CMIP: variants seen among roughly 807,000 people sequenced by gnomAD.
The protein encoded by CMIP is c-Maf inducing protein.
CMIP carries 13 observed loss-of-function variants against 97.3 expected under a neutral mutation model. The observed-to-expected ratio is 0.13, with a 90% CI of 0.09 to 0.21. The LOEUF is 0.21. Among genes scored for constraint, CMIP ranks in the 10% least tolerant of loss-of-function variants. The probability of loss-of-function intolerance (pLI) is 1.00; values close to 1 mark genes in which losing one functional copy is unlikely to be tolerated. For missense variants in CMIP, 847 were observed against 1,024.9 expected, an observed-to-expected ratio of 0.83 and a Z score of 2.37; for synonymous variants, 538 against 436.3, an observed-to-expected ratio of 1.23 and a Z score of -2.91.
At chr16:81,659,444 G>C (rs2092521021) in intron 5 of CMIP, among the ~76,000 whole-genome samples, 1 of 152,162 alleles carries the variant, frequency 6.6e-6, no homozygotes, top group African/African-American at 2.4e-5. Context: ...TCCAGGAGGA[G>C]GTGACCAAGG....
intron 3 of CMIP, among the ~76,000 whole-genome samples, chr16:81,623,779 A>G (rs2092023029): frequency 6.6e-6 from 1 of 152,214 alleles, no homozygotes; most frequent in South Asian, 2.1e-4. Flanking sequence ...GAAAGTGTTC[A>G]CCTAATACAG....
In CMIP at chr16:81,651,431, A is replaced by G. The variant is rs374007507; in HGVS notation, c.478-772A>G. 2.2e-5 allele frequency: 21 copies of G among 971,704 alleles called. No homozygotes were observed. In the East Asian group the frequency reaches 5.7e-4, roughly 26 times the overall value. 60.2% of individuals were successfully genotyped at this position (971,704 alleles called of 1,614,324 possible). On this transcript the variant is annotated intron_variant, in intron 3 of 20. Transcript: ENST00000537098. The stretch of plus-strand genomic sequence containing the variant: ...TCGACACAGCGCCCAAGCAAAGGTG[A>G]GAGCACTCTTGTCTTCCTCACCAGG...
intron 1 of CMIP, among the ~76,000 whole-genome samples, chr16:81,600,427 T>G (rs992675521): frequency 6.6e-6 from 1 of 152,166 alleles, no homozygotes; most frequent in South Asian, 2.1e-4. Context: ...GGAATGCGGT[T>G]CCGACTCATG....
intron 1 of CMIP, among the ~76,000 whole-genome samples, chr16:81,533,383 G>T (rs2090278504): frequency 6.6e-6 from 1 of 152,224 alleles, no homozygotes; most frequent in South Asian, 2.1e-4. Context: ...AATAAAGTTT[G>T]CCTGTTAAGT....
At chr16:81,479,410 C>T (rs1409245489) in intron 1 of CMIP, among the ~76,000 whole-genome samples, 4 of 152,068 alleles carry the variant, frequency 2.6e-5, no homozygotes, top group East Asian at 1.9e-4. Flanking sequence ...TCATTGAGTA[C>T]GTTCACATTG....
intron 1 of CMIP, among the ~76,000 whole-genome samples, chr16:81,570,640 C>T (rs967875279): frequency 2.0e-5 from 3 of 152,084 alleles, no homozygotes; most frequent in African/African-American, 7.2e-5. Flanking sequence ...GGAGGAGAAC[C>T]AGGGATGGCC....
intron 1 of CMIP, among the ~76,000 whole-genome samples, chr16:81,526,813 G>A (rs2090142380): frequency 6.6e-6 from 1 of 152,188 alleles, no homozygotes; most frequent in African/African-American, 2.4e-5. Flanking sequence ...TTTGGTTTCT[G>A]GGCAGCTCTG....
chr16:81,549,301 T>G (rs571799478), intron 1 of CMIP, among the ~76,000 whole-genome samples: 55 of 152,194 alleles, frequency 3.6e-4, no homozygotes, highest in Non-Finnish European at 6.6e-4. Flanking sequence ...TGGTAAATCA[T>G]TCGATAGAAC....
At chr16:81,457,874 G>T (rs191834936) in intron 1 of CMIP, among the ~76,000 whole-genome samples, 397 of 152,268 alleles carry the variant, frequency 2.6e-3, no homozygotes, top group African/African-American at 8.2e-3. Context: ...CGGCACCCCA[G>T]GCCCCCAGAA....
At position 81,577,323 on chromosome 16, in the gene CMIP, A is replaced by T. The variant is rs568027308; in HGVS notation, c.301-30244A>T. Among the ~76,000 whole-genome samples, 4 of 143,818 alleles carry T rather than the reference A, an allele frequency of 2.8e-5. No homozygotes were observed. In the South Asian group the frequency reaches 8.7e-4, roughly 31 times the overall value. The allele number at this position is 143,818 out of a possible 152,430, so 94.4% of individuals were successfully genotyped here. ...CCATCATCCCCATTACCACTACATT[A>T]TTATCACTATCACCATCACCATCAT... On this transcript the variant is annotated intron_variant, in intron 1 of 20. Coordinates refer to ENST00000537098, the MANE Select transcript of CMIP (RefSeq NM_198390.3).
intron 1 of CMIP, among the ~76,000 whole-genome samples, chr16:81,487,165 A>AC (rs1246652647): frequency 1.6e-5 from 2 of 121,300 alleles, no homozygotes; most frequent in Non-Finnish European, 3.5e-5. Context: ...CTTCTAGTGA[A>AC]CCGGGGGGGG....
At position 81,600,143 on chromosome 16, in the gene CMIP, G is replaced by A. The variant is rs141329067; in HGVS notation, c.301-7424G>A. Among the ~76,000 whole-genome samples the A allele has an allele frequency of 9.9e-3, 1,502 of 152,140 alleles. 7 individuals carry two copies. Among genetic ancestry groups the A allele is most frequent in the Non-Finnish European group, 0.016 (1,078 of 67,998 alleles). On this transcript the variant is annotated intron_variant, in intron 1 of 20. Transcript: ENST00000537098. The stretch of plus-strand genomic sequence containing the variant: ...AAATTACAAAAATTAGCCAGGAGTG[G>A]TGGTGGGTGACTGTAATCCCAGCTA...
At chr16:81,665,848 A>G (rs2092597504) in intron 7 of CMIP, 1 of 152,206 alleles carries the variant, frequency 6.6e-6, no homozygotes, top group Non-Finnish European at 1.5e-5. Flanking sequence ...AGACAGCATC[A>G]CACTCTTTCC....
chr16:81,556,210 C>T (rs896788223), intron 1 of CMIP, among the ~76,000 whole-genome samples: 1 of 152,002 alleles, frequency 6.6e-6, no homozygotes, highest in Non-Finnish European at 1.5e-5. Context: ...CCTGTTCTAG[C>T]CCGGGTGGGG....
At chr16:81,487,823 CA>C (rs1341103658) in intron 1 of CMIP, among the ~76,000 whole-genome samples, 3 of 152,216 alleles carry the variant, frequency 2.0e-5, no homozygotes, top group Admixed American at 2.0e-4. Flanking sequence ...AGAGCAGCTT[CA>C]GGGGGCTTAG....
At chr16:81,566,578 C>T (rs931037626) in intron 1 of CMIP, among the ~76,000 whole-genome samples, 1 of 152,244 alleles carries the variant, frequency 6.6e-6, no homozygotes, top group African/African-American at 2.4e-5. Context: ...AGGTTGCCTG[C>T]TTACCAGGTC....
In CMIP at chr16:81,445,394, G is replaced by C; in HGVS notation, c.153G>C (p.Arg51Ser). 1 of 1,605,302 alleles carries C rather than the reference G, an allele frequency of 6.2e-7. No individual in the cohort carries two copies. The highest frequency in any genetic ancestry group is 8.5e-7 in the Non-Finnish European group (1 of 1,176,156). ...CTCTTCTGCTTTGCAACGGGATGAG[G>C]TACAAACTGCTGCAGGAGGGCGACA... The part of the protein sequence containing the change: ...RRALLLCNGM[R>S]YKLLQEGDIQ... The change falls in exon 1 of 21, where the codon AGG becomes AGC. Residue 51 changes from arginine (R) to serine (S), a missense_variant. By Grantham distance (110) the Arg-to-Ser change is moderately radical (BLOSUM62 -1). Around this residue, in one of 4 missense-constraint regions of CMIP, gnomAD observed 94 missense variants for 79.9 expected, o/e 1.18. Coordinates refer to ENST00000537098, the MANE Select transcript of CMIP (RefSeq NM_198390.3).
intron 1 of CMIP, among the ~76,000 whole-genome samples, chr16:81,475,372 C>T (rs1457169008): frequency 2.0e-5 from 3 of 152,292 alleles, no homozygotes; most frequent in East Asian, 1.9e-4. Flanking sequence ...CCTGATGTAC[C>T]GTTCTCTGAT....
chr16:81,624,755 G>A (rs1301255473), intron 3 of CMIP, among the ~76,000 whole-genome samples: 1 of 152,180 alleles, frequency 6.6e-6, no homozygotes, highest in African/African-American at 2.4e-5. Context: ...GGTTCCTTAT[G>A]GGGACAGTCA....
Sources: allele counts gnomAD v4.1 joint callset (sites outside exome capture counted in the v4.1 genomes callset), GRCh38; gene constraint gnomAD v4.1.1; regional missense constraint gnomAD v4.1.1; transcripts MANE v1.5; gene names NCBI Gene and HGNC (gene_info 2026-07-23, HGNC 2026-07-21).